Variants in FRMPD3 observed in about 807,000 individuals in gnomAD.
FRMPD3 encodes FERM and PDZ domain containing 3.
FRMPD3 carries 42 observed loss-of-function variants against 97.9 expected under a neutral mutation model. The observed-to-expected ratio is 0.43, with a 90% CI of 0.34 to 0.55. FRMPD3 has a LOEUF of 0.55. Ranked by LOEUF, FRMPD3 falls within the 20% of genes least tolerant of loss-of-function variation. The pLI is 0.03. For missense variants in FRMPD3, 1,303 were observed against 1,457.7 expected, an observed-to-expected ratio of 0.89 and a Z score of 1.73; for synonymous variants, 577 against 581.1, an observed-to-expected ratio of 0.99 and a Z score of 0.10.
chrX:107,515,168 A>C (rs1922276664), intron 1 of FRMPD3, among the ~76,000 whole-genome samples: 1 of 111,420 alleles, frequency 9.0e-6, no homozygotes, highest in Admixed American at 9.5e-5. Context: ...TGTATTTAAA[A>C]CCAGGGGACT....
At chrX:107,506,848 GGGTTTCTAAGGCA>G (rs1305789914) in intron 1 of FRMPD3, among the ~76,000 whole-genome samples, 1 of 112,069 alleles carries the variant, frequency 8.9e-6, no homozygotes, top group East Asian at 2.8e-4. Flanking sequence ...AGCAGGGGCT[GGGTTTCTAAGGCA>G]GGTTTCTAAG....
At chrX:107,594,139 T>A (rs1924047461) in intron 13 of FRMPD3, among the ~76,000 whole-genome samples, 1 of 111,750 alleles carries the variant, frequency 8.9e-6, no homozygotes, top group South Asian at 3.7e-4. Flanking sequence ...AAGGGTGAAG[T>A]TCTTGATTTG....
intron 1 of FRMPD3, among the ~76,000 whole-genome samples, chrX:107,492,889 C>A (rs1282857568): frequency 9.0e-6 from 1 of 111,204 alleles, no homozygotes; most frequent in African/African-American, 3.3e-5. Context: ...TATAGAAAGA[C>A]ACTAGCAGCA....
intron 13 of FRMPD3, among the ~76,000 whole-genome samples, chrX:107,577,677 C>G (rs1923192285): frequency 9.1e-6 from 1 of 110,092 alleles, no homozygotes; most frequent in South Asian, 3.9e-4. Context: ...AAACAGTAGT[C>G]AGATCAGATC....
intron 1 of FRMPD3, among the ~76,000 whole-genome samples, chrX:107,507,558 A>G (rs1159424496): frequency 5.4e-5 from 6 of 111,520 alleles, no homozygotes; most frequent in Non-Finnish European, 9.4e-5. Flanking sequence ...CTCTGCTTCC[A>G]TGGGGCCGGG....
intron 2 of FRMPD3, among the ~76,000 whole-genome samples, chrX:107,529,207 G>A (rs1294084846): frequency 2.7e-5 from 3 of 111,960 alleles, no homozygotes; most frequent in Non-Finnish European, 5.6e-5. Flanking sequence ...GCATAGCCTT[G>A]TGGTATCCCT....
intron 12 of FRMPD3, among the ~76,000 whole-genome samples, chrX:107,569,294 C>CAAAAAA (rs752263727): frequency 1.9e-4 from 4 of 21,202 alleles, no homozygotes; most frequent in East Asian, 1.5e-3. Flanking sequence ...GACTCCATCT[C>CAAAAAA]AAAAAAAAAA....
At chrX:107,593,660 C>T (rs903279993) in intron 13 of FRMPD3, among the ~76,000 whole-genome samples, 2 of 111,552 alleles carry the variant, frequency 1.8e-5, no homozygotes, top group African/African-American at 6.5e-5. Flanking sequence ...GTGTCCTTTC[C>T]CCACTTTATG....
chrX:107,576,247 A>T (rs893447611), intron 12 of FRMPD3, 68 bp from the exon 13 acceptor site: 2 of 1,127,959 alleles, frequency 1.8e-6, no homozygotes, highest in Non-Finnish European at 1.2e-6. Context: ...GCTAGCTACC[A>T]TGCCTCTGAA....
chrX:107,538,905 C>T (rs753169489), intron 4 of FRMPD3, among the ~76,000 whole-genome samples: 6 of 112,508 alleles, frequency 5.3e-5, no homozygotes, highest in East Asian at 2.8e-4. Flanking sequence ...GTAATCTGCC[C>T]GCCTTGGCCT....
chrX:107,528,887 T>C (rs1260668742), intron 2 of FRMPD3, among the ~76,000 whole-genome samples: 1 of 113,170 alleles, frequency 8.8e-6, no homozygotes, highest in Non-Finnish European at 1.9e-5. Context: ...TCCTGCTGCC[T>C]GTGCTGGCAC....
chrX:107,485,695 C>A lies in FRMPD3; in HGVS notation c.-8+35690C>A, dbSNP rs191934190. 3.4e-3 allele frequency among the ~76,000 whole-genome samples: 377 copies of A among 111,807 alleles called. 4 individuals are homozygous for A. Among genetic ancestry groups the A allele is most frequent in the African/African-American group, 0.012 (356 of 30,765 alleles). On this transcript the variant is annotated intron_variant, in intron 1 of 14. Transcript: ENST00000683843. ...TATCTTGAGAAAGGGGAGCTGTGAC[C>A]ACCTGGTCCCTGCCAGTACCCTCTG...
intron 13 of FRMPD3, among the ~76,000 whole-genome samples, chrX:107,596,174 C>T (rs760108813): frequency 9.0e-6 from 1 of 111,188 alleles, no homozygotes; most frequent in African/African-American, 3.3e-5. Flanking sequence ...ATTTTGAAGG[C>T]TTGTTTTCCA....
At chrX:107,559,475 T>C (rs1330934501) in intron 8 of FRMPD3, among the ~76,000 whole-genome samples, 1 of 112,132 alleles carries the variant, frequency 8.9e-6, no homozygotes, top group African/African-American at 3.2e-5. Flanking sequence ...TTTTTTGTAA[T>C]AGAATCCACT....
chrX:107,581,553 T>A (rs1343219720), intron 13 of FRMPD3, among the ~76,000 whole-genome samples: 2 of 111,259 alleles, frequency 1.8e-5, no homozygotes, highest in Non-Finnish European at 3.8e-5. Flanking sequence ...GTTTAATATA[T>A]TTAATATATT....
At chrX:107,556,003 A>G (rs775209091) in intron 8 of FRMPD3, among the ~76,000 whole-genome samples, 109 of 111,704 alleles carry the variant, frequency 9.8e-4, no homozygotes, top group African/African-American at 3.5e-3. Flanking sequence ...TCATTCCCCA[A>G]GTTAGAGAAT....
intron 4 of FRMPD3, among the ~76,000 whole-genome samples, chrX:107,535,673 A>T (rs1409981176): frequency 1.8e-4 from 15 of 84,873 alleles, no homozygotes; most frequent in Non-Finnish European, 3.0e-4. Flanking sequence ...ACTCCATCTC[A>T]AAAAAAAAAA....
Position 107,526,599 on chromosome X carries a change from A to G in FRMPD3, c.11A>G (p.Glu4Gly). ...TTCCCCAGTCATGTGATGCAGGAAG[A>G]GAGCGCAAATGATATGGAATGTGAG... The part of the protein sequence containing the change: MQE[E>G]SANDMECEQL... Residue 4 changes from glutamate (E) to glycine (G), a missense_variant, in exon 2 of 15, where the codon GAG (glutamate) becomes GGG (glycine). Coordinates refer to ENST00000683843, the MANE Select transcript of FRMPD3 (RefSeq NM_001388459.1). The G allele has an allele frequency of 8.3e-7, 1 of 1,197,985 alleles. No homozygotes were observed. Among genetic ancestry groups the G allele is most frequent in the Non-Finnish European group, 1.1e-6 (1 of 890,340 alleles).
At chrX:107,532,917 A>G (rs1923027866) in intron 3 of FRMPD3, among the ~76,000 whole-genome samples, 1 of 112,209 alleles carries the variant, frequency 8.9e-6, no homozygotes, top group Non-Finnish European at 1.9e-5. Flanking sequence ...GAAGAGTTTC[A>G]TATTCTTCAT....
Sources: gnomAD v4.1 joint callset for allele counts (sites outside exome capture counted in the v4.1 genomes callset) on GRCh38, gnomAD v4.1.1 for gene constraint, MANE v1.5 for transcripts, NCBI Gene and HGNC (gene_info 2026-07-23, HGNC 2026-07-21) for gene names.